The following COL5A2 variants were observed in gnomAD, a reference collection of about 807,000 sequenced individuals.
COL5A2 encodes collagen type V alpha 2 chain.
Under a neutral mutation model 208.2 loss-of-function variants are expected in COL5A2, and 23 were observed. That is an observed-to-expected ratio of 0.11 (90% CI 0.08 to 0.16). COL5A2 has a LOEUF of 0.16. Among genes scored for constraint, COL5A2 ranks in the 10% least tolerant of loss-of-function variants. The pLI is 1.00. For synonymous variants in COL5A2, 625 were observed against 628.5 expected, an observed-to-expected ratio of 0.99 and a Z score of 0.08; for missense variants, 1,590 against 1,956.4, an observed-to-expected ratio of 0.81 and a Z score of 3.53.
chr2:189,177,433 A>G (rs1688697571), intron 1 of COL5A2, among the ~76,000 whole-genome samples: 1 of 152,242 alleles, frequency 6.6e-6, no homozygotes, highest in South Asian at 2.1e-4. Context: ...ATAGTAAGTA[A>G]GTACAATATA....
At chr2:189,299,941 A>G in the COL5A2 span, among the ~76,000 whole-genome samples, 1 of 152,220 alleles carries the variant, frequency 6.6e-6, no homozygotes, top group East Asian at 1.9e-4. Context: ...GACTTGTGTA[A>G]GGATGCCCTC....
At chr2:189,284,458 C>G in the COL5A2 span, among the ~76,000 whole-genome samples, 2 of 152,206 alleles carry the variant, frequency 1.3e-5, no homozygotes, top group Admixed American at 1.3e-4. Flanking sequence ...ACACATCTTA[C>G]TACGGCAGAG....
chr2:189,110,474 G>A, intron 1 of COL5A2, 25 bp from the exon 2 acceptor site: 1 of 1,588,644 alleles, frequency 6.3e-7, no homozygotes. Context: ...GAAAGAAGAG[G>A]TTAGTAATCT....
At chr2:189,052,652 T>C in intron 40 of COL5A2, 97 bp downstream of exon 40, 1 of 1,176,040 alleles carries the variant, frequency 8.5e-7, no homozygotes, top group Middle Eastern at 2.1e-4. Context: ...TAATTTGTTA[T>C]TTCAGTCTCA....
At chr2:189,258,108 T>A in the COL5A2 span, among the ~76,000 whole-genome samples, 1 of 152,054 alleles carries the variant, frequency 6.6e-6, no homozygotes, top group Non-Finnish European at 1.5e-5. Context: ...AGTGAGATTC[T>A]GTCTCAAAAA....
At chr2:189,322,041 T>C in the COL5A2 span, among the ~76,000 whole-genome samples, 3 of 152,034 alleles carry the variant, frequency 2.0e-5, no homozygotes, top group Non-Finnish European at 2.9e-5. Flanking sequence ...AACCACTCAA[T>C]TACATGGAAA....
intron 35 of COL5A2, among the ~76,000 whole-genome samples, chr2:189,054,573 GA>G (rs1051424180): frequency 6.6e-6 from 1 of 151,928 alleles, no homozygotes; most frequent in African/African-American, 2.4e-5. Context: ...ACCACAAATT[GA>G]AAAGAGGCTT....
Position 189,034,217 on chromosome 2 carries a change from C to G in COL5A2, c.4354-1G>C. Reference sequence around the variant, plus strand: ...TCTTGCCCACATTTCCATTCCGCTTCTGAAATTAAATGATGCAATGGGTTA... The same window carrying G: ...TCTTGCCCACATTTCCATTCCGCTTGTGAAATTAAATGATGCAATGGGTTA... On this transcript the variant is annotated splice_acceptor_variant, in intron 53 of 53. Transcript: ENST00000374866. LOFTEE classifies it high-confidence loss of function. 1 of 1,613,812 alleles carries G rather than the reference C, an allele frequency of 6.2e-7. No individual in the cohort carries two copies. The highest frequency in any genetic ancestry group is 8.5e-7 in the Non-Finnish European group (1 of 1,179,874).
At chr2:189,086,597 T>C in intron 9 of COL5A2, 129 bp downstream of exon 9, 1 of 682,288 alleles carries the variant, frequency 1.5e-6, no homozygotes, top group Non-Finnish European at 2.6e-6. Flanking sequence ...ATATATCCTG[T>C]TTGAAGTGAG....
At chr2:189,366,482 A>G in the COL5A2 span, among the ~76,000 whole-genome samples, 2 of 152,230 alleles carry the variant, frequency 1.3e-5, no homozygotes, top group Non-Finnish European at 2.9e-5. Context: ...GCCTCTCACA[A>G]CAAAAAATTA....
chr2:189,092,350 G>A lies in COL5A2; in HGVS notation c.527C>T (p.Pro176Leu). Reference protein sequence around the residue: ...VPGQPGAPGPPGHPSHPGPDG... With the variant: ...VPGQPGAPGPLGHPSHPGPDG... ...GGGTCCTGGGTGGGACGGATGTCCA[G>A]GAGGTCCTGGAGCACCAGGTTGACC... Residue 176 changes from proline (P) to leucine (L), a missense_variant, in exon 7 of 54, where the codon CCT (proline) becomes CTT (leucine). By Grantham distance (98) the Pro-to-Leu change is moderately conservative. Coordinates refer to ENST00000374866, the MANE Select transcript of COL5A2 (RefSeq NM_000393.5). 1 of 1,610,004 alleles carries A rather than the reference G, an allele frequency of 6.2e-7. No homozygotes were observed. The highest frequency in any genetic ancestry group is 8.5e-7 in the Non-Finnish European group (1 of 1,178,166).
chr2:189,068,734 A>G (rs1368014990), intron 19 of COL5A2, 52 bp downstream of exon 19: 1 of 1,274,858 alleles, frequency 7.8e-7, no homozygotes, highest in Non-Finnish European at 1.1e-6. Flanking sequence ...TTCTGATGTT[A>G]CAAGAAATGT....
intron 4 of COL5A2, among the ~76,000 whole-genome samples, chr2:189,099,276 C>A (rs368950260): frequency 6.6e-6 from 1 of 151,274 alleles, no homozygotes; most frequent in Non-Finnish European, 1.5e-5. Flanking sequence ...GTTAAAAAAA[C>A]AAGCCAATTA....
chr2:189,143,800 A>G (rs902552026), intron 1 of COL5A2, among the ~76,000 whole-genome samples: 2 of 152,154 alleles, frequency 1.3e-5, no homozygotes, highest in Non-Finnish European at 2.9e-5. Context: ...CTTAAACTGG[A>G]CTTTGAAAAA....
chr2:189,157,319 A>G (rs1235054245), intron 1 of COL5A2, among the ~76,000 whole-genome samples: 1 of 151,888 alleles, frequency 6.6e-6, no homozygotes, highest in African/African-American at 2.4e-5. Context: ...ATATACAAAT[A>G]ATCACACGTC....
At chr2:189,272,773 A>G in the COL5A2 span, among the ~76,000 whole-genome samples, 1 of 152,262 alleles carries the variant, frequency 6.6e-6, no homozygotes, top group East Asian at 1.9e-4. Context: ...CTGGATCTCA[A>G]AACCAGACAA....
chr2:189,195,819 ATAGAT>A (rs1228139109), intron 1 of COL5A2, among the ~76,000 whole-genome samples: 1 of 152,230 alleles, frequency 6.6e-6, no homozygotes, highest in African/African-American at 2.4e-5. Context: ...TTAACTCTCG[ATAGAT>A]TAAATGTAAA....
chr2:189,054,846 G>A (rs1685869386), intron 35 of COL5A2, among the ~76,000 whole-genome samples: 1 of 151,152 alleles, frequency 6.6e-6, no homozygotes, highest in South Asian at 2.1e-4. Flanking sequence ...GAGTAACTGA[G>A]ACTACAGGCA....
chr2:189,266,633 T>TA, the COL5A2 span, among the ~76,000 whole-genome samples: 3 of 152,094 alleles, frequency 2.0e-5, no homozygotes, highest in Non-Finnish European at 4.4e-5. Flanking sequence ...AAATAAGGAA[T>TA]GACTGCTCAT....
Sources: gnomAD v4.1 joint callset for allele counts (sites outside exome capture counted in the v4.1 genomes callset) on GRCh38, gnomAD v4.1.1 for gene constraint, MANE v1.5 for transcripts, NCBI Gene and HGNC (gene_info 2026-07-23, HGNC 2026-07-21) for gene names.